SUGCT: variants seen among roughly 807,000 people sequenced by gnomAD.
The protein encoded by SUGCT is succinyl-CoA:glutarate-CoA transferase.
Under a neutral mutation model 55.0 loss-of-function variants are expected in SUGCT, and 41 were observed. The observed-to-expected ratio is 0.74, with a 90% confidence interval of 0.58 to 0.97. SUGCT has a LOEUF of 0.97. SUGCT is among the 50% of genes least tolerant of loss of function. SUGCT has a pLI of 0.00. For missense variants in SUGCT, 568 were observed against 547.8 expected (o/e 1.04, Z -0.37); for synonymous variants, 187 against 200.4 (o/e 0.93, Z 0.56).
At chr7:40,705,190 T>C (rs1785340588) in intron 12 of SUGCT, among the ~76,000 whole-genome samples, 1 of 152,216 alleles carries the variant, frequency 6.6e-6, no homozygotes, top group Non-Finnish European at 1.5e-5. Context: ...ATTTTTGAGA[T>C]AATTATAGGT....
At chr7:40,317,913 T>C (rs757935311) in intron 9 of SUGCT, among the ~76,000 whole-genome samples, 20 of 152,208 alleles carry the variant, frequency 1.3e-4, no homozygotes, top group Non-Finnish European at 1.9e-4. Flanking sequence ...TTTCAACACA[T>C]TGAGTTGATC....
the SUGCT span, among the ~76,000 whole-genome samples, chr7:40,954,586 C>T: frequency 6.6e-6 from 1 of 152,094 alleles, no homozygotes; most frequent in Non-Finnish European, 1.5e-5. Context: ...ATTTGGCCGT[C>T]TTGGAACTGC....
rs376662511 is a variant in SUGCT at position 40,174,291 on chromosome 7, C to T, written c.101-6656C>T. 1.4e-3 allele frequency among the ~76,000 whole-genome samples: 209 copies of T among 152,172 alleles called. 1 individual carries two copies. The highest frequency in any genetic ancestry group is 0.012 in the South Asian group (59 of 4,812). ...TCTCACCTCGGCCTCCCAGAGTGCT[C>T]GGATTACAGGCGTGAGCCAGCACAC... On this transcript the variant is annotated intron_variant, in intron 1 of 13. Transcript: ENST00000335693.
chr7:40,842,744 G>T (rs748336621), intron 13 of SUGCT, among the ~76,000 whole-genome samples: 4 of 152,170 alleles, frequency 2.6e-5, no homozygotes, highest in Non-Finnish European at 5.9e-5. Context: ...TATACTCAAA[G>T]ATTTCACACA....
intron 12 of SUGCT, among the ~76,000 whole-genome samples, chr7:40,667,880 A>G (rs1182615626): frequency 1.3e-5 from 2 of 152,064 alleles, no homozygotes; most frequent in African/African-American, 2.4e-5. Flanking sequence ...TATCCTTTCA[A>G]AGAACCAATT....
chr7:40,656,043 G>A (rs1801005386), intron 12 of SUGCT, among the ~76,000 whole-genome samples: 1 of 152,060 alleles, frequency 6.6e-6, no homozygotes, highest in African/African-American at 2.4e-5. Context: ...AGTCATAATT[G>A]TTTGTTGTTT....
chr7:40,919,718 C>T, the SUGCT span, among the ~76,000 whole-genome samples: 1 of 152,176 alleles, frequency 6.6e-6, no homozygotes, highest in South Asian at 2.1e-4. Flanking sequence ...CCCACTGCCC[C>T]CACCCCACTA....
the SUGCT span, among the ~76,000 whole-genome samples, chr7:40,958,318 C>G: frequency 6.6e-6 from 1 of 152,138 alleles, no homozygotes; most frequent in African/African-American, 2.4e-5. Context: ...TAGGTTTTGT[C>G]TCCTCACATA....
chr7:40,962,746 T>A, the SUGCT span, among the ~76,000 whole-genome samples: 24 of 152,040 alleles, frequency 1.6e-4, no homozygotes, highest in Non-Finnish European at 2.6e-4. Flanking sequence ...TGGCTCTTCC[T>A]GGGCTGATCA....
At chr7:40,858,686 C>T (rs1485670680) in intron 13 of SUGCT, among the ~76,000 whole-genome samples, 8 of 152,094 alleles carry the variant, frequency 5.3e-5, no homozygotes, top group Non-Finnish European at 1.0e-4. Flanking sequence ...AGCTGTGGAC[C>T]CTGCCTCCCA....
At chr7:40,386,597 G>T (rs1457388481) in intron 9 of SUGCT, among the ~76,000 whole-genome samples, 1 of 152,200 alleles carries the variant, frequency 6.6e-6, no homozygotes, top group Admixed American at 6.5e-5. Flanking sequence ...TAGCATCCAT[G>T]ACTTTGATTC....
chr7:40,708,708 A>C (rs772161287), intron 12 of SUGCT, among the ~76,000 whole-genome samples: 1 of 151,840 alleles, frequency 6.6e-6, no homozygotes, highest in Non-Finnish European at 1.5e-5. Flanking sequence ...CCGCCTGAGC[A>C]CTCTAGATAT....
the SUGCT span, among the ~76,000 whole-genome samples, chr7:40,890,338 TA>T: frequency 1.4e-5 from 2 of 144,888 alleles, no homozygotes; most frequent in Admixed American, 1.4e-4. Context: ...AATATTAATA[TA>T]TAAATATTAA....
At chr7:40,459,227 T>G (rs746188131) in intron 11 of SUGCT, 29 bp downstream of exon 11, 1 of 1,358,418 alleles carries the variant, frequency 7.4e-7, no homozygotes, top group South Asian at 1.2e-5. Flanking sequence ...TTCATCCATT[T>G]AAGAATTAAT....
chr7:40,851,892 G>A (rs1793871752), intron 13 of SUGCT, among the ~76,000 whole-genome samples: 1 of 152,168 alleles, frequency 6.6e-6, no homozygotes, highest in African/African-American at 2.4e-5. Context: ...ACCTTAGATA[G>A]TAGAGAAAAG....
rs778913706 is a variant in SUGCT at position 40,448,924 on chromosome 7, A to ATGTGTG, written c.817-341_817-336dup. 2.8e-3 allele frequency among the ~76,000 whole-genome samples: 404 copies of ATGTGTG among 145,200 alleles called. 1 individual carries two copies. Among genetic ancestry groups the ATGTGTG allele is most frequent in the African/African-American group, 9.5e-3 (376 of 39,436 alleles). ...CACATATGTGTGTGTGTGTGTATATATGTGTGTGTGTGTGTGTGTGTGTGT... is the reference window on the plus strand; with the variant it reads ...CACATATGTGTGTGTGTGTGTATATATGTGTGTGTGTGTGTGTGTGTGTGTGTGTGT... On this transcript the variant is annotated intron_variant, in intron 9 of 13. Transcript: ENST00000335693.
the SUGCT span, among the ~76,000 whole-genome samples, chr7:40,992,359 A>T: frequency 1.3e-5 from 2 of 152,158 alleles, no homozygotes; most frequent in Non-Finnish European, 2.9e-5. Context: ...TTTCATGGCC[A>T]TCTTGATTTT....
At chr7:40,552,888 G>C (rs1795374247) in intron 12 of SUGCT, among the ~76,000 whole-genome samples, 3 of 151,248 alleles carry the variant, frequency 2.0e-5, no homozygotes, top group Admixed American at 1.3e-4. Context: ...CTGTTTATAT[G>C]AAGCTGTGGC....
chr7:40,669,826 G>T (rs1380540262), intron 12 of SUGCT, among the ~76,000 whole-genome samples: 1 of 151,906 alleles, frequency 6.6e-6, no homozygotes, highest in East Asian at 1.9e-4. Context: ...TAACAGCCCT[G>T]TTACTGGAGA....
Sources: allele counts gnomAD v4.1 joint callset (sites outside exome capture counted in the v4.1 genomes callset), GRCh38; gene constraint gnomAD v4.1.1; transcripts MANE v1.5; gene names NCBI Gene and HGNC (gene_info 2026-07-23, HGNC 2026-07-21).